Variants in ITGB8 observed in about 807,000 individuals in gnomAD.
ITGB8 encodes the protein integrin beta-8.
In ITGB8, 30 loss-of-function variants were observed where a neutral mutation model predicts 89.5. The observed-to-expected ratio is 0.34, with a 90% CI of 0.25 to 0.45. The LOEUF is 0.45. Among genes scored for constraint, ITGB8 ranks in the 20% least tolerant of loss-of-function variants. The probability of loss-of-function intolerance (pLI) is 1.00; values close to 1 mark genes in which losing one functional copy is unlikely to be tolerated. For missense variants in ITGB8, 836 were observed against 933.3 expected (o/e 0.90, Z 1.36); for synonymous variants, 335 against 320.4 (o/e 1.05, Z -0.49).
intron 12 of ITGB8, among the ~76,000 whole-genome samples, 180 bp from the exon 13 acceptor site, chr7:20,409,435 G>A (rs1040406927): frequency 1.3e-5 from 2 of 152,146 alleles, no homozygotes; most frequent in Non-Finnish European, 2.9e-5. Context: ...TAGTAAACGC[G>A]CAAGAAAAAT....
At chr7:20,373,623 C>T (rs559782151) in intron 3 of ITGB8, among the ~76,000 whole-genome samples, 1 of 152,224 alleles carries the variant, frequency 6.6e-6, no homozygotes, top group Non-Finnish European at 1.5e-5. Context: ...TTCTCTCCAC[C>T]CCCTGGCACA....
intron 8 of ITGB8, 111 bp downstream of exon 8, chr7:20,395,096 G>C (rs897856572): frequency 1.1e-5 from 7 of 635,188 alleles, no homozygotes; most frequent in Admixed American, 1.0e-4. Context: ...AAGCATATTA[G>C]ATTAGGAATT....
chr7:20,363,373 C>T (rs566836440), intron 1 of ITGB8, among the ~76,000 whole-genome samples: 2 of 152,280 alleles, frequency 1.3e-5, no homozygotes, highest in East Asian at 3.9e-4. Context: ...GACCCCCAAA[C>T]CTGACCAAAA....
intron 1 of ITGB8, chr7:20,352,883 A>G (rs1785157877): frequency 6.6e-6 from 1 of 152,256 alleles, no homozygotes; most frequent in African/African-American, 2.4e-5. Flanking sequence ...CATAAATTAT[A>G]TAGTCACCCC....
intron 7 of ITGB8, among the ~76,000 whole-genome samples, chr7:20,393,065 A>T (rs978372444): frequency 6.6e-6 from 1 of 152,244 alleles, no homozygotes; most frequent in African/African-American, 2.4e-5. Context: ...ATGAGGAATC[A>T]TATTTTGGGA....
intron 3 of ITGB8, among the ~76,000 whole-genome samples, chr7:20,371,923 T>G (rs1468404456): frequency 6.6e-6 from 1 of 152,216 alleles, no homozygotes; most frequent in African/African-American, 2.4e-5. Context: ...CTTTCATTCT[T>G]TTTAATGTCT....
chr7:20,372,275 G>GATTT (rs1785963690), intron 3 of ITGB8, among the ~76,000 whole-genome samples: 1 of 152,062 alleles, frequency 6.6e-6, no homozygotes, highest in Admixed American at 6.6e-5. Context: ...ATATAATGAT[G>GATTT]ATTTGGTCCT....
chr7:20,333,897 G>T (rs1784493862), intron 1 of ITGB8, among the ~76,000 whole-genome samples: 3 of 141,200 alleles, frequency 2.1e-5, no homozygotes, highest in African/African-American at 7.5e-5. Context: ...ATAGCTACAA[G>T]TCTCAAATTA....
chr7:20,384,720 A>G (rs1014080765), intron 6 of ITGB8, among the ~76,000 whole-genome samples: 5 of 152,234 alleles, frequency 3.3e-5, no homozygotes, highest in African/African-American at 4.8e-5. Flanking sequence ...AGAAAAAGAA[A>G]AATAATGTTC....
At chr7:20,366,943 C>A in intron 2 of ITGB8, 69 bp from the exon 3 acceptor site, 2 of 1,013,664 alleles carry the variant, frequency 2.0e-6, no homozygotes, top group Non-Finnish European at 2.9e-6. Context: ...GCAATATTTG[C>A]TATGTCATTT....
At position 20,381,780 on chromosome 7, in the gene ITGB8, T is replaced by A. The variant is rs1228896793; in HGVS notation, c.855T>A (p.Asp285Glu). The A allele has an allele frequency of 6.2e-7, 1 of 1,613,950 alleles. No individual in the cohort carries two copies. Among genetic ancestry groups the A allele is most frequent in the African/African-American group, 1.3e-5 (1 of 75,046 alleles). Residue 285 changes from aspartate to glutamate, a missense_variant, in exon 6 of 14, where the codon GAT becomes GAA. Physicochemically the swap from Asp to Glu is conservative, Grantham distance 45. Transcript: ENST00000222573. ...EAKRLLLVMT[D>E]QTSHLALDSK... ...AAAGATTGCTGCTGGTGATGACAGA[T>A]CAGACGTCTCATCTCGCTCTTGATA...
rs757387944 is a variant in ITGB8, at chr7:20,404,605, G to A, written c.1688-23G>A. 1.1e-5 allele frequency: 18 copies of A among 1,596,370 alleles called. No individual in the cohort carries two copies. The Admixed American group carries it at 2.2e-4, about 20-fold the overall frequency. ...AAAGTCAGTGATCCAGATAACATAG[G>A]TCCTGCGGTGTCTTCCTCACAGGGC... On this transcript the variant is annotated intron_variant, in intron 10 of 13. Coordinates refer to ENST00000222573, the MANE Select transcript of ITGB8 (RefSeq NM_002214.3).
At chr7:20,378,346 A>G (rs1223375388) in intron 3 of ITGB8, among the ~76,000 whole-genome samples, 3 of 152,166 alleles carry the variant, frequency 2.0e-5, no homozygotes, top group African/African-American at 4.8e-5. Context: ...TTGAACACCT[A>G]CCGTGTGTTG....
chr7:20,404,896 T>G (rs1787471250), intron 11 of ITGB8, 43 bp downstream of exon 11: 1 of 1,529,206 alleles, frequency 6.5e-7, no homozygotes, highest in Non-Finnish European at 9.1e-7. Context: ...GAATAGCTAC[T>G]TTTGTCCTTT....
intron 3 of ITGB8, among the ~76,000 whole-genome samples, chr7:20,378,038 A>G (rs1400054251): frequency 6.6e-6 from 1 of 152,258 alleles, no homozygotes; most frequent in African/African-American, 2.4e-5. Flanking sequence ...TGACTTACAA[A>G]GCATTTACTT....
chr7:20,404,618 T>A lies in ITGB8; in HGVS notation c.1688-10T>A. 1 of 1,611,012 alleles carries A rather than the reference T, an allele frequency of 6.2e-7. No homozygotes were observed. Among genetic ancestry groups the A allele is most frequent in the Non-Finnish European group, 8.5e-7 (1 of 1,177,872 alleles). On this transcript the variant is annotated splice_polypyrimidine_tract_variant and intron_variant, in intron 10 of 13. Transcript: ENST00000222573. ...CAGATAACATAGGTCCTGCGGTGTCTTCCTCACAGGGCATGGAGAGTGTGA... is the reference window on the plus strand; with the variant it reads ...CAGATAACATAGGTCCTGCGGTGTCATCCTCACAGGGCATGGAGAGTGTGA...
chr7:20,411,204 A>G lies in ITGB8; in HGVS notation c.*1207A>G, dbSNP rs10237100. The G allele has an allele frequency of 0.97, 139,837 of 144,652 alleles. 67,602 individuals are homozygous for G. Among genetic ancestry groups the G allele is most frequent in the East Asian group, 0.99 (4,830 of 4,866 alleles). The allele number at this position is 144,652 out of a possible 1,614,324, so 9.0% of individuals were successfully genotyped here. A position where few individuals can be genotyped will look rare whatever the true frequency, so the allele number is the denominator to read the frequency against. On this transcript the variant is annotated 3_prime_UTR_variant, in exon 14 of 14. Coordinates refer to ENST00000222573, the MANE Select transcript of ITGB8 (RefSeq NM_002214.3). ...AGTTTCACTCTTGTCACCCAGGCTG[A>G]AGTGCAATGGCGCAATTAGGGTTCA... is the stretch of plus-strand genomic sequence containing the variant.
intron 2 of ITGB8, chr7:20,365,890 G>A (rs1490004403): frequency 2.0e-5 from 3 of 149,958 alleles, no homozygotes; most frequent in Admixed American, 6.6e-5. Context: ...GGAGAGGCAG[G>A]CTTTTTTTTT....
At chr7:20,378,304 C>T (rs541252739) in intron 3 of ITGB8, among the ~76,000 whole-genome samples, 3 of 152,270 alleles carry the variant, frequency 2.0e-5, no homozygotes, top group Non-Finnish European at 2.9e-5. Context: ...GTGGGTGCCT[C>T]GCTCATGGGC....
Sources: gnomAD v4.1 joint callset for allele counts (sites outside exome capture counted in the v4.1 genomes callset) on GRCh38, gnomAD v4.1.1 for gene constraint, MANE v1.5 for transcripts, NCBI Gene and HGNC (gene_info 2026-07-23, HGNC 2026-07-21) for gene names.